TFPT: variants seen among roughly 807,000 people sequenced by gnomAD.
TFPT encodes the protein INO80 complex subunit F.
Under a neutral mutation model 28.8 loss-of-function variants are expected in TFPT, and 27 were observed. That is an observed-to-expected ratio of 0.94 (90% CI 0.69 to 1.29). The LOEUF (loss-of-function observed/expected upper bound fraction) is 1.29, where lower values mean the gene tolerates loss of function less well. Among genes scored for constraint, TFPT ranks in the 50% most tolerant of loss-of-function variants. TFPT has a pLI of 0.00. For missense variants in TFPT, 330 were observed against 338.0 expected, an observed-to-expected ratio of 0.98 and a Z score of 0.19; for synonymous variants, 152 against 142.8, an observed-to-expected ratio of 1.06 and a Z score of -0.46.
At chr19:54,115,140 A>ACTACAACCCCCATCAGACCTCAGCGTAG in intron 1 of TFPT, 107 bp downstream of exon 1, 1 of 1,537,802 alleles carries the variant, frequency 6.5e-7, no homozygotes, top group Non-Finnish European at 9.0e-7. Context: ...AGTTGCATGA[A>ACTACAACCCCCATCAGACCTCAGCGTAG]CTACAACCCC....
At chr19:54,107,995 G>A in intron 5 of TFPT, 31 bp downstream of exon 5, 1 of 1,510,616 alleles carries the variant, frequency 6.6e-7, no homozygotes, top group Non-Finnish European at 8.9e-7. Flanking sequence ...TGGAGCCCCA[G>A]TCCCTCCCCT....
chr19:54,107,597 C>T, intron 5 of TFPT: 1 of 269,262 alleles, frequency 3.7e-6, no homozygotes, highest in Non-Finnish European at 7.0e-6. Flanking sequence ...CTCCTTACAC[C>T]TCAGAGGCAA....
chr19:54,109,300 G>A (rs1176830790), intron 3 of TFPT: 1 of 152,822 alleles, frequency 6.5e-6, no homozygotes, highest in African/African-American at 2.4e-5. Context: ...TTCAGCTTTG[G>A]GGAGGGAGGA....
intron 2 of TFPT, among the ~76,000 whole-genome samples, chr19:54,114,194 T>C (rs1468143347): frequency 6.6e-6 from 1 of 152,172 alleles, no homozygotes; most frequent in East Asian, 1.9e-4. Context: ...GTGCCACGCA[T>C]TGAGAGGCCC....
At chr19:54,109,602 C>T (rs1298978179) in intron 3 of TFPT, among the ~76,000 whole-genome samples, 1 of 152,156 alleles carries the variant, frequency 6.6e-6, no homozygotes, top group Non-Finnish European at 1.5e-5. Flanking sequence ...GAGCTCAGCT[C>T]ACCACCTGCA....
chr19:54,115,119 T>C (rs2073585321), intron 1 of TFPT, 128 bp downstream of exon 1: 2 of 1,430,040 alleles, frequency 1.4e-6, no homozygotes, highest in South Asian at 1.2e-5. Context: ...AAAAGGGTTC[T>C]AAGGTAAAGC....
intron 2 of TFPT, among the ~76,000 whole-genome samples, chr19:54,112,181 G>A (rs1424522450): frequency 6.6e-6 from 1 of 151,440 alleles, no homozygotes; most frequent in Non-Finnish European, 1.5e-5. Flanking sequence ...TAGAGTCCAG[G>A]ATGTTGGGGC....
intron 3 of TFPT, chr19:54,108,781 C>T: frequency 3.2e-6 from 2 of 626,520 alleles, no homozygotes; most frequent in Non-Finnish European, 5.4e-6. Flanking sequence ...AACGCTCCTC[C>T]TAATGACCTC....
At chr19:54,114,730 T>C in intron 1 of TFPT, 30 bp from the exon 2 acceptor site, 1 of 1,588,890 alleles carries the variant, frequency 6.3e-7, no homozygotes, top group Non-Finnish European at 8.5e-7. Flanking sequence ...TCAGGGGCCC[T>C]GGATCCTGGA....
rs2073329931 is a variant in TFPT, at chr19:54,108,106, T to C, written c.562A>G (p.Ser188Gly). ...GGCACTCGCCGCCTCTTCCGCCCAC[T>C]GGGCCCCTCACCGGGGGCTGGGCTG... ...PGSPAPGEGPSGRKRRRVPRD... is the reference protein window; with the variant it reads ...PGSPAPGEGPGGRKRRRVPRD... The change falls in exon 5 of 6, where the codon AGT becomes GGT. Residue 188 changes from serine to glycine, a missense_variant. Transcript: ENST00000391759. 1.3e-5 allele frequency: 20 copies of C among 1,573,240 alleles called. No homozygotes were observed. The highest frequency in any genetic ancestry group is 1.7e-5 in the Non-Finnish European group (20 of 1,159,370).
chr19:54,114,394 T>C (rs772925721), intron 2 of TFPT, 48 bp downstream of exon 2: 156 of 1,570,988 alleles, frequency 9.9e-5, no homozygotes, highest in Non-Finnish European at 4.3e-6. Context: ...CGGGGGGCGG[T>C]AGTTTAGGCC....
intron 2 of TFPT, among the ~76,000 whole-genome samples, chr19:54,110,939 C>T (rs2146361033): frequency 6.6e-6 from 1 of 152,308 alleles, no homozygotes; most frequent in Non-Finnish European, 1.5e-5. Flanking sequence ...AGTACATCCT[C>T]GATGAACATT....
Position 54,115,489 on chromosome 19 carries a change from C to T in TFPT, c.-220G>A. On this transcript the variant is annotated 5_prime_UTR_variant, in exon 1 of 6. Coordinates refer to ENST00000391759, the MANE Select transcript of TFPT (RefSeq NM_013342.4). The stretch of plus-strand genomic sequence containing the variant: ...CTGCTTAAAGGCCTTGCTTTCTTGT[C>T]TAACGCCGCAACCAGTCCTCTGAGT... 2 of 616,270 alleles carry T rather than the reference C, an allele frequency of 3.2e-6. No homozygotes were observed. Among genetic ancestry groups the T allele is most frequent in the Non-Finnish European group, 5.7e-6 (2 of 351,600 alleles). 38.2% of individuals were successfully genotyped at this position (616,270 alleles called of 1,614,324 possible).
intron 1 of TFPT, 106 bp downstream of exon 1, chr19:54,115,141 C>T (rs2073586031): frequency 1.1e-5 from 17 of 1,545,120 alleles, no homozygotes; most frequent in Non-Finnish European, 1.5e-5. Flanking sequence ...GTTGCATGAA[C>T]TACAACCCCC....
At chr19:54,115,225 T>G in intron 1 of TFPT, 22 bp downstream of exon 1, 1 of 1,614,110 alleles carries the variant, frequency 6.2e-7, no homozygotes, top group Non-Finnish European at 8.5e-7. Context: ...TCGCACTTTT[T>G]CACAAGGGCT....
rs2073415264 is a variant in TFPT at position 54,110,217 on chromosome 19, G to A, written c.283-96C>T. ...GGGCACGCACTAAACTCTGGAGACT[G>A]GCCAAAGACCATCCCGTGGCCTGAG... is the stretch of plus-strand genomic sequence containing the variant. On this transcript the variant is annotated intron_variant, in intron 2 of 5. Coordinates refer to ENST00000391759, the MANE Select transcript of TFPT (RefSeq NM_013342.4). 3.0e-6 allele frequency: 4 copies of A among 1,334,312 alleles called. No homozygotes were observed. The East Asian group carries it at 9.6e-5, about 32-fold the overall frequency. The allele number at this position is 1,334,312 out of a possible 1,614,324, so 82.7% of individuals were successfully genotyped here.
rs2073597245 is a variant in TFPT at position 54,115,404 on chromosome 19, G to C, written c.-135C>G. Reference sequence around the variant, plus strand: ...CGGGACGTGGCCCTAGGCCTTGTGGGAGTTGTAGTTTCCTGTTTCCGGCTT... The same window carrying C: ...CGGGACGTGGCCCTAGGCCTTGTGGCAGTTGTAGTTTCCTGTTTCCGGCTT... On this transcript the variant is annotated 5_prime_UTR_variant, in exon 1 of 6. Coordinates refer to ENST00000391759, the MANE Select transcript of TFPT (RefSeq NM_013342.4). 1.6e-6 allele frequency: 2 copies of C among 1,273,898 alleles called. No individual in the cohort carries two copies. The highest frequency in any genetic ancestry group is 4.7e-5 in the East Asian group (2 of 42,440). The allele number at this position is 1,273,898 out of a possible 1,614,324, so 78.9% of individuals were successfully genotyped here. A position where few individuals can be genotyped will look rare whatever the true frequency, so the allele number is the denominator to read the frequency against.
In TFPT at chr19:54,114,469, T is replaced by G; in HGVS notation, c.255A>C (p.Leu85=). The part of the protein sequence containing the change: ...RELNRRKYQA[L]GRRCREIEQV... ...GCTCGATCTCCCGGCAGCGCCGACC[T>G]AGTGCCTGGTACTTTCTGCGATTTA... The change falls in exon 2 of 6, where the codon CTA becomes CTC. Residue 85 remains leucine (L), a synonymous_variant. Coordinates refer to ENST00000391759, the MANE Select transcript of TFPT (RefSeq NM_013342.4). 1 of 1,613,676 alleles carries G rather than the reference T, an allele frequency of 6.2e-7. No individual in the cohort carries two copies. Among genetic ancestry groups the G allele is most frequent in the Non-Finnish European group, 8.5e-7 (1 of 1,179,958 alleles).
intron 2 of TFPT, among the ~76,000 whole-genome samples, chr19:54,112,285 TGCTGAGC>T (rs2073478257): frequency 1.3e-5 from 2 of 151,480 alleles, no homozygotes; most frequent in Non-Finnish European, 2.9e-5. Flanking sequence ...GATCTGCCAC[TGCTGAGC>T]TCTGAGCTTG....
Sources: gnomAD v4.1 joint callset for allele counts (sites outside exome capture counted in the v4.1 genomes callset) on GRCh38, gnomAD v4.1.1 for gene constraint, MANE v1.5 for transcripts, NCBI Gene and HGNC (gene_info 2026-07-23, HGNC 2026-07-21) for gene names.